Variants in HECW2 observed in about 807,000 individuals in gnomAD.
HECW2 encodes the protein HECT, C2 and WW domain containing E3 ubiquitin protein ligase 2, also known as E3 ubiquitin-protein ligase HECW2.
HECW2 carries 61 observed loss-of-function variants against 175.2 expected under a neutral mutation model. The ratio of observed to expected loss-of-function variants is 0.35; its 90% confidence interval spans 0.28 to 0.43. The LOEUF is 0.43. Ranked by LOEUF, HECW2 falls within the 20% of genes least tolerant of loss-of-function variation. The pLI, the probability that HECW2 is intolerant of heterozygous loss-of-function variation, is 1.00. For missense variants in HECW2, 1,524 were observed against 2,000.5 expected (o/e 0.76, Z 4.54); for synonymous variants, 671 against 731.0 (o/e 0.92, Z 1.32).
intron 2 of HECW2, among the ~76,000 whole-genome samples, chr2:196,363,918 T>C (rs1019633792): frequency 2.6e-5 from 4 of 152,246 alleles, no homozygotes; most frequent in African/African-American, 7.2e-5. Flanking sequence ...CTACAGCCTA[T>C]GGACAACAAA....
chr2:196,506,848 G>C (rs1289900173), intron 1 of HECW2, among the ~76,000 whole-genome samples: 1 of 152,022 alleles, frequency 6.6e-6, no homozygotes, highest in African/African-American at 2.4e-5. Context: ...CTGGCACATG[G>C]ACCACATTTG....
intron 1 of HECW2, among the ~76,000 whole-genome samples, chr2:196,579,742 T>C (rs1690700746): frequency 6.6e-6 from 1 of 152,102 alleles, no homozygotes; most frequent in African/African-American, 2.4e-5. Flanking sequence ...ATCTGACAGG[T>C]GTCCTTATAA....
intron 1 of HECW2, among the ~76,000 whole-genome samples, chr2:196,561,885 G>C (rs1441155655): frequency 6.6e-6 from 1 of 152,148 alleles, no homozygotes; most frequent in Non-Finnish European, 1.5e-5. Flanking sequence ...CTCTAAAATA[G>C]TTTACCAAAT....
At chr2:196,422,340 G>A (rs1269348904) in intron 2 of HECW2, among the ~76,000 whole-genome samples, 2 of 152,114 alleles carry the variant, frequency 1.3e-5, no homozygotes, top group African/African-American at 4.8e-5. Context: ...TGCTACCAAT[G>A]CTGAACAATG....
intron 15 of HECW2, among the ~76,000 whole-genome samples, chr2:196,277,353 A>G (rs976175247): frequency 1.3e-5 from 2 of 152,244 alleles, no homozygotes; most frequent in African/African-American, 4.8e-5. Flanking sequence ...AAAGAATACT[A>G]GTGAGGATTC....
In HECW2 at chr2:196,533,419, C is replaced by T. The variant is rs530992421; in HGVS notation, c.-36+60089G>A. Among the ~76,000 whole-genome samples, 4 of 152,266 alleles carry T rather than the reference C, an allele frequency of 2.6e-5. No individual in the cohort carries two copies. The South Asian group carries it at 6.2e-4, about 24-fold the overall frequency. On this transcript the variant is annotated intron_variant, in intron 1 of 28. Coordinates refer to ENST00000644978, the MANE Select transcript of HECW2 (RefSeq NM_001348768.2). ...TCAACCACCACAAATGAAACTTGCC[C>T]TTTAAATTATTTTGAATCACAACAG...
At chr2:196,537,338 G>A (rs184593200) in intron 1 of HECW2, among the ~76,000 whole-genome samples, 2 of 152,202 alleles carry the variant, frequency 1.3e-5, no homozygotes, top group East Asian at 1.9e-4. Context: ...AAAGCCTCAC[G>A]ATGGAAGCCA....
intron 13 of HECW2, among the ~76,000 whole-genome samples, chr2:196,297,405 C>T (rs1690858155): frequency 2.0e-5 from 3 of 152,146 alleles, no homozygotes; most frequent in Admixed American, 1.3e-4. Flanking sequence ...TGTTTGGTTA[C>T]ATGTTTGTTT....
rs150824536 is a variant in HECW2 at position 196,286,291 on chromosome 2, A to T, written c.3000+6274T>A. 6.1e-3 allele frequency among the ~76,000 whole-genome samples: 924 copies of T among 152,110 alleles called. 9 individuals carry two copies. Among genetic ancestry groups the T allele is most frequent in the South Asian group, 0.041 (196 of 4,810 alleles). ...TACAGCTGTGGAAGAGTGGGAATAA[A>T]GTTATCCAAATTACCACATTTTAGG... On this transcript the variant is annotated intron_variant, in intron 14 of 28. Coordinates refer to ENST00000644978, the MANE Select transcript of HECW2 (RefSeq NM_001348768.2).
At chr2:196,407,655 A>G in intron 2 of HECW2, among the ~76,000 whole-genome samples, 1 of 152,210 alleles carries the variant, frequency 6.6e-6, no homozygotes, top group East Asian at 1.9e-4. Flanking sequence ...TAAAACCTAA[A>G]TGGCTAGACT....
chr2:196,275,414 T>A (rs1047029072), intron 15 of HECW2, among the ~76,000 whole-genome samples: 5 of 152,376 alleles, frequency 3.3e-5, no homozygotes, highest in South Asian at 2.1e-4. Flanking sequence ...CATATTTTTA[T>A]TCATTTGTAG....
intron 1 of HECW2, among the ~76,000 whole-genome samples, chr2:196,466,189 A>T (rs189239239): frequency 6.6e-6 from 1 of 152,318 alleles, no homozygotes; most frequent in East Asian, 1.9e-4. Flanking sequence ...TGTTACCCAA[A>T]TCTATTAATA....
At chr2:196,485,381 A>C (rs1686968122) in intron 1 of HECW2, among the ~76,000 whole-genome samples, 1 of 152,198 alleles carries the variant, frequency 6.6e-6, no homozygotes, top group South Asian at 2.1e-4. Flanking sequence ...AGACTGGGTA[A>C]TTTTAAAAGA....
intron 3 of HECW2, 99 bp downstream of exon 3, chr2:196,343,557 AC>A: frequency 1.3e-6 from 1 of 773,412 alleles, no homozygotes; most frequent in African/African-American, 1.8e-5. Flanking sequence ...GTAAATCCAA[AC>A]CAAAGAATTT....
intron 15 of HECW2, among the ~76,000 whole-genome samples, chr2:196,274,482 C>G (rs753109182): frequency 1.3e-5 from 2 of 152,218 alleles, no homozygotes; most frequent in Non-Finnish European, 2.9e-5. Flanking sequence ...TCTGCAACAA[C>G]ACAATCAAAG....
At chr2:196,358,913 T>A (rs1054067183) in intron 2 of HECW2, among the ~76,000 whole-genome samples, 1 of 152,174 alleles carries the variant, frequency 6.6e-6, no homozygotes, top group Non-Finnish European at 1.5e-5. Flanking sequence ...AGTATCTCCA[T>A]ACTGCCCAGT....
chr2:196,278,107 C>T (rs781212196), intron 15 of HECW2, among the ~76,000 whole-genome samples: 1 of 66,814 alleles, frequency 1.5e-5, no homozygotes, highest in Non-Finnish European at 3.5e-5. Context: ...TGCACGTGTA[C>T]CCTAGAACTT....
intron 2 of HECW2, among the ~76,000 whole-genome samples, chr2:196,355,961 G>A (rs1693349882): frequency 6.6e-6 from 1 of 152,180 alleles, no homozygotes; most frequent in African/African-American, 2.4e-5. Flanking sequence ...GAACCACAGG[G>A]AGATTTTGGG....
intron 2 of HECW2, among the ~76,000 whole-genome samples, chr2:196,389,423 C>T (rs937664083): frequency 6.6e-6 from 1 of 152,124 alleles, no homozygotes; most frequent in African/African-American, 2.4e-5. Context: ...TGGTGGATAC[C>T]ATACTCCCCC....
Sources: allele counts gnomAD v4.1 joint callset (sites outside exome capture counted in the v4.1 genomes callset), GRCh38; gene constraint gnomAD v4.1.1; transcripts MANE v1.5; gene names NCBI Gene and HGNC (gene_info 2026-07-23, HGNC 2026-07-21).